Variants in ZZZ3 observed in about 807,000 individuals in gnomAD.
The protein encoded by ZZZ3 is ZZ-type zinc finger-containing protein 3.
ZZZ3 carries 22 observed loss-of-function variants against 95.2 expected under a neutral mutation model. That is an observed-to-expected ratio of 0.23 (90% CI 0.17 to 0.33). The LOEUF is 0.33. ZZZ3 is among the 10% of genes least tolerant of loss of function. The pLI is 1.00. For synonymous variants in ZZZ3, 335 were observed against 358.9 expected, an observed-to-expected ratio of 0.93 and a Z score of 0.75; for missense variants, 885 against 1,066.5, an observed-to-expected ratio of 0.83 and a Z score of 2.37.
At chr1:77,648,942 C>A (rs1669549866) in intron 1 of ZZZ3, among the ~76,000 whole-genome samples, 1 of 152,006 alleles carries the variant, frequency 6.6e-6, no homozygotes, top group South Asian at 2.1e-4. Context: ...TGGGGTTCAA[C>A]ATAGTGAAAT....
chr1:77,662,790 C>CA (rs1167613807), intron 1 of ZZZ3, among the ~76,000 whole-genome samples: 1 of 151,952 alleles, frequency 6.6e-6, no homozygotes, highest in Non-Finnish European at 1.5e-5. Context: ...GACCCTGTCT[C>CA]AAAAAACAAA....
At chr1:77,657,324 C>T (rs1423214421) in intron 1 of ZZZ3, among the ~76,000 whole-genome samples, 1 of 152,176 alleles carries the variant, frequency 6.6e-6, no homozygotes, top group Admixed American at 6.5e-5. Flanking sequence ...ACGGAACTCA[C>T]AGTCAACAGC....
intron 8 of ZZZ3, 57 bp from the exon 9 acceptor site, chr1:77,581,126 A>G (rs1662476268): frequency 1.5e-6 from 2 of 1,310,172 alleles, no homozygotes; most frequent in Non-Finnish European, 2.2e-6. Flanking sequence ...ATCCTTTGAT[A>G]TAGCCAAATA....
At chr1:77,660,716 G>A (rs1391520896) in intron 1 of ZZZ3, among the ~76,000 whole-genome samples, 1 of 152,124 alleles carries the variant, frequency 6.6e-6, no homozygotes, top group Non-Finnish European at 1.5e-5. Context: ...AATCCTTTCA[G>A]GAATAACCCA....
At chr1:77,651,320 A>G (rs1352326776) in intron 1 of ZZZ3, among the ~76,000 whole-genome samples, 1 of 152,138 alleles carries the variant, frequency 6.6e-6, no homozygotes, top group African/African-American at 2.4e-5. Flanking sequence ...AGGAGGTTGC[A>G]CTGAACCAAG....
chr1:77,606,104 G>T (rs570512859), intron 5 of ZZZ3, among the ~76,000 whole-genome samples: 1 of 152,246 alleles, frequency 6.6e-6, no homozygotes, highest in Admixed American at 6.5e-5. Flanking sequence ...CCAGAAGGGG[G>T]TCCACTACCC....
chr1:77,609,018 G>C (rs1665518729), intron 5 of ZZZ3, among the ~76,000 whole-genome samples: 1 of 152,084 alleles, frequency 6.6e-6, no homozygotes, highest in Non-Finnish European at 1.5e-5. Flanking sequence ...AATGGCAGGA[G>C]TAAGTCTTTA....
At chr1:77,668,459 CAAAGAGCACTT>C in intron 1 of ZZZ3, among the ~76,000 whole-genome samples, 1 of 152,236 alleles carries the variant, frequency 6.6e-6, no homozygotes, top group Admixed American at 6.5e-5. Context: ...ACATCAATAA[CAAAGAGCACTT>C]ACTGAGCATC....
chr1:77,654,900 T>C (rs917439148), intron 1 of ZZZ3, among the ~76,000 whole-genome samples: 2 of 152,126 alleles, frequency 1.3e-5, no homozygotes, highest in African/African-American at 4.8e-5. Flanking sequence ...CCTCCCACCT[T>C]TGCCTCCCAA....
chr1:77,595,042 C>G (rs1664093644), intron 5 of ZZZ3, among the ~76,000 whole-genome samples: 1 of 151,604 alleles, frequency 6.6e-6, no homozygotes, highest in Admixed American at 6.6e-5. Flanking sequence ...GAACTTGCAT[C>G]AACCCATTCA....
intron 1 of ZZZ3, among the ~76,000 whole-genome samples, chr1:77,675,773 T>C (rs910899006): frequency 3.9e-5 from 6 of 152,154 alleles, no homozygotes; most frequent in Non-Finnish European, 8.8e-5. Flanking sequence ...CAAACATAAA[T>C]ACCTTTTTTC....
chr1:77,565,754 A>G lies in ZZZ3; in HGVS notation c.2598T>C (p.Asp866=), dbSNP rs1235779210. The G allele has an allele frequency of 6.2e-7, 1 of 1,613,524 alleles. No individual in the cohort carries two copies. Among genetic ancestry groups the G allele is most frequent in the Non-Finnish European group, 8.5e-7 (1 of 1,179,752 alleles). The change falls in exon 15 of 15, where the codon GAT becomes GAC. Residue 866 remains aspartate, a synonymous_variant. Transcript: ENST00000370801. The part of the protein sequence containing the change: ...CLHETDIHKE[D]HQLEPIYRSE... ...ACCTATAAATAGGTTCTAATTGGTG[A>G]TCTTCCTTGTGAATATCTGTTTCAT...
upstream of ZZZ3, among the ~76,000 whole-genome samples, chr1:77,683,068 AC>A (rs1475714152): frequency 5.6e-5 from 4 of 70,870 alleles, no homozygotes; most frequent in Non-Finnish European, 1.1e-4. Context: ...GTGCGCGCGC[AC>A]CCCCGCCCCA....
chr1:77,570,802 C>G (rs115895087), intron 12 of ZZZ3, among the ~76,000 whole-genome samples: 91 of 150,352 alleles, frequency 6.1e-4, no homozygotes, highest in African/African-American at 2.2e-3. Context: ...GCTGAGATGA[C>G]AGGCGCACAC....
chr1:77,649,781 C>T (rs572740608), intron 1 of ZZZ3, among the ~76,000 whole-genome samples: 63 of 151,720 alleles, frequency 4.2e-4, no homozygotes, highest in African/African-American at 1.2e-3. Context: ...ACTCGGGAGG[C>T]TGAGGCAGGA....
intron 4 of ZZZ3, among the ~76,000 whole-genome samples, 164 bp downstream of exon 4, chr1:77,639,285 A>G (rs1668563130): frequency 6.6e-6 from 1 of 152,064 alleles, no homozygotes; most frequent in Non-Finnish European, 1.5e-5. Flanking sequence ...TTTCATTCCT[A>G]ACCCATTCCC....
intron 5 of ZZZ3, among the ~76,000 whole-genome samples, chr1:77,622,234 G>A (rs1057383607): frequency 1.3e-5 from 2 of 151,896 alleles, no homozygotes; most frequent in African/African-American, 4.8e-5. Flanking sequence ...TTGAGCCGGA[G>A]GGGCTGAGGC....
intron 14 of ZZZ3, 61 bp from the exon 15 acceptor site, chr1:77,565,845 T>C: frequency 6.7e-7 from 1 of 1,487,950 alleles, no homozygotes; most frequent in Non-Finnish European, 9.1e-7. Flanking sequence ...GTCTGTGTAT[T>C]ACAAAGCTTC....
intron 11 of ZZZ3, among the ~76,000 whole-genome samples, chr1:77,577,156 C>T (rs1430457813): frequency 6.6e-6 from 1 of 152,170 alleles, no homozygotes; most frequent in Non-Finnish European, 1.5e-5. Flanking sequence ...CATCATTTCA[C>T]CTGTTTCCAA....
Sources: gnomAD v4.1 joint callset for allele counts (sites outside exome capture counted in the v4.1 genomes callset) on GRCh38, gnomAD v4.1.1 for gene constraint, MANE v1.5 for transcripts, NCBI Gene and HGNC (gene_info 2026-07-23, HGNC 2026-07-21) for gene names.